The following AMBRA1 variants were observed in gnomAD, a reference collection of about 807,000 sequenced individuals.
The protein encoded by AMBRA1 is activating molecule in BECN1-regulated autophagy protein 1.
A neutral mutation model predicts 125.4 loss-of-function variants in AMBRA1; 47 were observed. That is an observed-to-expected ratio of 0.37 (90% confidence interval 0.30 to 0.48). AMBRA1 has a LOEUF of 0.48. Among genes scored for constraint, AMBRA1 ranks in the 20% least tolerant of loss-of-function variants. The pLI is 0.99. For synonymous variants in AMBRA1, 626 were observed against 655.5 expected, an observed-to-expected ratio of 0.95 and a Z score of 0.69; for missense variants, 1,331 against 1,693.4, an observed-to-expected ratio of 0.79 and a Z score of 3.76.
intron 7 of AMBRA1, among the ~76,000 whole-genome samples, chr11:46,533,779 A>G (rs2135138438): frequency 6.6e-6 from 1 of 152,262 alleles, no homozygotes; most frequent in African/African-American, 2.4e-5. Flanking sequence ...TGGTTTCCCA[A>G]GTCACTCAAA....
At chr11:46,505,240 G>T (rs1345629251) in intron 9 of AMBRA1, among the ~76,000 whole-genome samples, 1 of 152,166 alleles carries the variant, frequency 6.6e-6, no homozygotes, top group Non-Finnish European at 1.5e-5. Flanking sequence ...AAAAGATTGG[G>T]GCAGAAAAAT....
chr11:46,542,112 G>A lies in AMBRA1; in HGVS notation c.1905C>T (p.Ser635=), dbSNP rs1381640918. The change falls in exon 7 of 18, where the codon AGC becomes AGT. Residue 635 remains serine (S), a synonymous_variant. Transcript: ENST00000683756. The surrounding 1 kb of genome is among the most constrained non-coding windows in gnomAD (Gnocchi z 5.9). The part of the protein sequence containing the change: ...QTPSSSRLEL[S]SSASPQEERT... ...TCTCCTCCTGCGGACTAGCAGAGCT[G>A]CTCAACTCCAGCCTGCTGGAGCTGG... 2 of 1,613,998 alleles carry A rather than the reference G, an allele frequency of 1.2e-6. No individual in the cohort carries two copies. Among genetic ancestry groups the A allele is most frequent in the East Asian group, 2.2e-5 (1 of 44,880 alleles).
chr11:46,551,277 T>C (rs1336466096), intron 1 of AMBRA1, among the ~76,000 whole-genome samples: 1 of 151,816 alleles, frequency 6.6e-6, no homozygotes, highest in Non-Finnish European at 1.5e-5. Context: ...CCTGTCAGTG[T>C]TTTTGAAATG....
At chr11:46,443,661 A>G in intron 11 of AMBRA1, 63 bp from the exon 12 acceptor site, 1 of 1,372,772 alleles carries the variant, frequency 7.3e-7, no homozygotes, top group Non-Finnish European at 1.0e-6. Flanking sequence ...ACTGCAAAAC[A>G]TAAAACAATA....
intron 15 of AMBRA1, among the ~76,000 whole-genome samples, chr11:46,417,511 C>A (rs1946600104): frequency 6.6e-6 from 1 of 152,174 alleles, no homozygotes; most frequent in Non-Finnish European, 1.5e-5. Flanking sequence ...ATTTCCAATT[C>A]TTTTTAAGTT....
chr11:46,586,480 T>C (rs1350714656), intron 1 of AMBRA1, among the ~76,000 whole-genome samples: 1 of 152,202 alleles, frequency 6.6e-6, no homozygotes, highest in Non-Finnish European at 1.5e-5. Context: ...TGAACCTATA[T>C]CCTTTTACTT....
intron 12 of AMBRA1, among the ~76,000 whole-genome samples, chr11:46,438,701 C>T (rs1459981985): frequency 1.3e-5 from 2 of 152,184 alleles, no homozygotes; most frequent in Non-Finnish European, 2.9e-5. Context: ...CACCACTCAT[C>T]CGCCGGGTTT....
chr11:46,429,250 C>T (rs1947332193), intron 14 of AMBRA1: 1 of 963,254 alleles, frequency 1.0e-6, no homozygotes, highest in Non-Finnish European at 1.6e-6. Context: ...AGCCTCCAGC[C>T]CCTATCGCTA....
chr11:46,477,330 T>C (rs935854497), intron 11 of AMBRA1, among the ~76,000 whole-genome samples: 2 of 151,650 alleles, frequency 1.3e-5, no homozygotes. Flanking sequence ...TCTTTTTTTT[T>C]TTTTTGAGAC....
In AMBRA1 at chr11:46,397,234, G is replaced by A; in HGVS notation, c.*216C>T. 2 of 509,030 alleles carry A rather than the reference G, an allele frequency of 3.9e-6. No individual in the cohort carries two copies. Among genetic ancestry groups the A allele is most frequent in the South Asian group, 9.2e-5 (1 of 10,852 alleles). 31.5% of individuals were successfully genotyped at this position (509,030 alleles called of 1,614,324 possible). The stretch of plus-strand genomic sequence containing the variant: ...TAAGCCCACAGTGTGGCTCTCCCGG[G>A]CTCCAGATCCTGGAAGGTTCTAGTT... On this transcript the variant is annotated 3_prime_UTR_variant, in exon 18 of 18. Transcript: ENST00000683756.
At chr11:46,460,964 C>T (rs928614433) in intron 11 of AMBRA1, among the ~76,000 whole-genome samples, 1 of 152,140 alleles carries the variant, frequency 6.6e-6, no homozygotes, top group African/African-American at 2.4e-5. Flanking sequence ...CAATTAGGGC[C>T]AGGAGTGGTG....
chr11:46,526,232 TAAATAAAATA>T (rs540431998), intron 7 of AMBRA1, among the ~76,000 whole-genome samples: 1 of 151,616 alleles, frequency 6.6e-6, no homozygotes, highest in Non-Finnish European at 1.5e-5. Context: ...ACAATAATAA[TAAATAAAATA>T]AAATAAAATA....
chr11:46,531,627 T>C (rs1005633166), intron 7 of AMBRA1, among the ~76,000 whole-genome samples: 1 of 151,824 alleles, frequency 6.6e-6, no homozygotes, highest in Non-Finnish European at 1.5e-5. Flanking sequence ...AGAGAATCAC[T>C]TGAATTCGGG....
At chr11:46,466,477 T>C (rs1361923149) in intron 11 of AMBRA1, among the ~76,000 whole-genome samples, 1 of 152,116 alleles carries the variant, frequency 6.6e-6, no homozygotes, top group African/African-American at 2.4e-5. Flanking sequence ...ACAGAGGAAC[T>C]AGGGCTTGAA....
At chr11:46,586,438 A>T (rs2044403779) in intron 1 of AMBRA1, among the ~76,000 whole-genome samples, 1 of 152,102 alleles carries the variant, frequency 6.6e-6, no homozygotes, top group African/African-American at 2.4e-5. Flanking sequence ...ATAAAGATCC[A>T]TCTTTTTACT....
intron 7 of AMBRA1, among the ~76,000 whole-genome samples, chr11:46,517,756 G>C (rs1228603174): frequency 6.7e-6 from 1 of 149,604 alleles, no homozygotes; most frequent in Non-Finnish European, 1.5e-5. Context: ...GCTTGAACCC[G>C]GGAGGCAGAG....
intron 11 of AMBRA1, among the ~76,000 whole-genome samples, chr11:46,480,432 C>G (rs1193884876): frequency 6.6e-6 from 1 of 152,016 alleles, no homozygotes; most frequent in African/African-American, 2.4e-5. Flanking sequence ...TGTCTTATGC[C>G]ACTAAATTTG....
At chr11:46,539,850 GAGATGGAGTCTTGCTCCATCACCC>G (rs1189610439) in intron 7 of AMBRA1, among the ~76,000 whole-genome samples, 1 of 151,164 alleles carries the variant, frequency 6.6e-6, no homozygotes, top group Non-Finnish European at 1.5e-5. Flanking sequence ...CTTTTTTCTT[GAGATGGAGTCTTGCTCCATCACCC>G]AGGCTGGAGT....
intron 9 of AMBRA1, among the ~76,000 whole-genome samples, chr11:46,496,625 T>C (rs1427910711): frequency 6.6e-6 from 1 of 152,146 alleles, no homozygotes; most frequent in African/African-American, 2.4e-5. Context: ...TACTGAGCAG[T>C]TGCCAGTGCC....
Sources: allele counts gnomAD v4.1 joint callset (sites outside exome capture counted in the v4.1 genomes callset), GRCh38; gene constraint gnomAD v4.1.1; non-coding constraint Gnocchi (gnomAD v3.1); transcripts MANE v1.5; gene names NCBI Gene and HGNC (gene_info 2026-07-23, HGNC 2026-07-21).